ZFHX3: variants seen among roughly 807,000 people sequenced by gnomAD.
The protein encoded by ZFHX3 is zinc finger homeobox protein 3.
In ZFHX3, 42 loss-of-function variants were observed where a neutral mutation model predicts 279.1. The ratio of observed to expected loss-of-function variants is 0.15; its 90% CI spans 0.12 to 0.19. The LOEUF (loss-of-function observed/expected upper bound fraction) is 0.19. Ranked by LOEUF, ZFHX3 falls within the 10% of genes least tolerant of loss-of-function variation. The probability of loss-of-function intolerance (pLI) is 1.00; values close to 1 mark genes in which losing one functional copy is unlikely to be tolerated. For missense variants in ZFHX3, 4,981 were observed against 4,754.0 expected (o/e 1.05, Z -1.40); for synonymous variants, 2,293 against 1,957.8 (o/e 1.17, Z -4.52).
intron 1 of ZFHX3, among the ~76,000 whole-genome samples, chr16:73,011,142 G>A (rs372548070): frequency 7.9e-5 from 12 of 151,826 alleles, no homozygotes; most frequent in South Asian, 2.1e-4. Flanking sequence ...CCACCACACC[G>A]GGCTAATTTT....
At position 72,950,618 on chromosome 16, in the gene ZFHX3, T is replaced by C. The variant is rs1352034900; in HGVS notation, c.3067A>G (p.Lys1023Glu). 3 of 1,614,196 alleles carry C rather than the reference T, an allele frequency of 1.9e-6. No individual in the cohort carries two copies. The highest frequency in any genetic ancestry group is 2.5e-6 in the Non-Finnish European group (3 of 1,180,032). Reference sequence around the variant, plus strand: ...CACTTGAGCCTCCACTCGTTGGCCTTGCCGCCCTCCTTGATGTGGGCCACC... The same window carrying C: ...CACTTGAGCCTCCACTCGTTGGCCTCGCCGCCCTCCTTGATGTGGGCCACC... ...QLVAHIKEGG[K>E]ANEWRLKCVA... The change falls in exon 3 of 10, where the codon AAG becomes GAG. Residue 1023 changes from lysine (K) to glutamate (E), a missense_variant. By Grantham distance (56) the Lys-to-Glu change is moderately conservative. Transcript: ENST00000268489.
intron 4 of ZFHX3, among the ~76,000 whole-genome samples, chr16:72,840,790 A>G (rs891913918): frequency 2.0e-5 from 3 of 152,256 alleles, no homozygotes; most frequent in African/African-American, 4.8e-5. Context: ...CTGACTGTCA[A>G]TGAGCTTTGT....
intron 2 of ZFHX3, among the ~76,000 whole-genome samples, chr16:73,555,311 C>T (rs1260310032): frequency 2.0e-5 from 3 of 152,116 alleles, no homozygotes; most frequent in East Asian, 3.9e-4. Context: ...CCCGCCACCA[C>T]ACCCGGCTAA....
At position 72,795,125 on chromosome 16, in the gene ZFHX3, C is replaced by T; in HGVS notation, c.7557G>A (p.Gln2519=). ...TTAGCTGAGGAGGTAGGTTTGCGAG[C>T]TGTTGAGGAGTTGATGTGTGGAGGG... The part of the protein sequence containing the change: ...LKPLHTSTPQ[Q]LANLPPQLIP... The change falls in exon 9 of 10, where the codon CAG becomes CAA. Residue 2519 remains glutamine (Q), a synonymous_variant. Coordinates refer to ENST00000268489, the MANE Select transcript of ZFHX3 (RefSeq NM_006885.4). 2 of 1,613,326 alleles carry T rather than the reference C, an allele frequency of 1.2e-6. No homozygotes were observed. The highest frequency in any genetic ancestry group is 1.1e-5 in the South Asian group (1 of 90,998).
Position 73,546,717 on chromosome 16 carries a change from TGC to T in ZFHX3, c.-1546-90461_-1546-90460del, listed in dbSNP as rs1249890496. On this transcript the variant is annotated intron_variant, in intron 2 of 17. Transcript: ENST00000641206. ...CTGCTGCTGCTGCTGCTGCTGCTGC[TGC>T]TGCTGCTGCTGCTGCTGTTGCTTCT... is the stretch of plus-strand genomic sequence containing the variant. Among the ~76,000 whole-genome samples the T allele has an allele frequency of 9.3e-5, 12 of 128,390 alleles. 1 individual carries two copies. Among genetic ancestry groups the T allele is most frequent in the African/African-American group, 1.6e-4 (4 of 24,406 alleles). The allele number at this position is 128,390 out of a possible 152,430, so 84.2% of individuals were successfully genotyped here.
intron 2 of ZFHX3, among the ~76,000 whole-genome samples, chr16:73,556,533 G>C (rs1567517958): frequency 6.6e-6 from 1 of 152,154 alleles, no homozygotes; most frequent in Non-Finnish European, 1.5e-5. Context: ...TTCCCTCAGA[G>C]CTCTGGACGG....
chr16:73,373,144 G>C (rs1001574762), intron 3 of ZFHX3, among the ~76,000 whole-genome samples: 23 of 728 alleles, frequency 0.032, no homozygotes, highest in African/African-American at 0.11. Context: ...AGGAGGTTTG[G>C]GGGGGGGGTG....
chr16:73,105,488 A>C (rs1447497299), intron 7 of ZFHX3, among the ~76,000 whole-genome samples: 1 of 144,338 alleles, frequency 6.9e-6, no homozygotes, highest in Non-Finnish European at 1.5e-5. Context: ...GTGCTGGCTC[A>C]CACCTGTAAT....
chr16:72,893,379 C>G (rs2038818943), intron 3 of ZFHX3, among the ~76,000 whole-genome samples: 1 of 152,178 alleles, frequency 6.6e-6, no homozygotes. Flanking sequence ...GAGTTCTATT[C>G]CAAATGGCTG....
intron 7 of ZFHX3, among the ~76,000 whole-genome samples, chr16:73,130,700 C>T (rs1051520062): frequency 3.3e-5 from 5 of 152,186 alleles, no homozygotes; most frequent in African/African-American, 9.7e-5. Flanking sequence ...CTCCGCTGCC[C>T]GGGTTCAAGG....
chr16:73,427,438 C>T (rs569612308), intron 3 of ZFHX3, among the ~76,000 whole-genome samples: 4 of 152,292 alleles, frequency 2.6e-5, no homozygotes, highest in African/African-American at 7.2e-5. Context: ...CCACCCAGCT[C>T]GCTAACGGCA....
At chr16:73,140,858 A>T (rs766244137) in intron 6 of ZFHX3, among the ~76,000 whole-genome samples, 1 of 152,130 alleles carries the variant, frequency 6.6e-6, no homozygotes, top group East Asian at 1.9e-4. Context: ...TCCCAAAAAC[A>T]ACAAACAAAC....
Position 72,787,220 on chromosome 16 carries a change from T to TG in ZFHX3, c.11055dup (p.Ser3686GlnfsTer45). ...GTCAGACCACTGTCCTTGGGGCAGC[T>TG]GGGGTCTTTGGGACCCTCCACCGGG... is the stretch of plus-strand genomic sequence containing the variant. On this transcript the variant is annotated frameshift_variant, in exon 10 of 10. Coordinates refer to ENST00000268489, the MANE Select transcript of ZFHX3 (RefSeq NM_006885.4). LOFTEE classifies it high-confidence loss of function. The TG allele has an allele frequency of 6.2e-7, 1 of 1,614,034 alleles. No homozygotes were observed.
At chr16:73,695,773 C>T (rs189357472) in intron 1 of ZFHX3, among the ~76,000 whole-genome samples, 16 of 152,316 alleles carry the variant, frequency 1.1e-4, no homozygotes, top group African/African-American at 3.8e-4. Flanking sequence ...ACAGCAGGTG[C>T]TCAGGAAGTG....
At chr16:73,609,174 C>T (rs1171619662) in intron 2 of ZFHX3, 2 of 152,078 alleles carry the variant, frequency 1.3e-5, no homozygotes, top group South Asian at 2.1e-4. Flanking sequence ...CCTGACTTAA[C>T]GCCATTTCAG....
chr16:73,419,966 G>C (rs2017685096), intron 3 of ZFHX3: 1 of 152,036 alleles, frequency 6.6e-6, no homozygotes, highest in East Asian at 1.9e-4. Flanking sequence ...GAGTCCAGAG[G>C]CGTGATCACA....
chr16:73,202,244 G>GAACACCATT (rs1430700758), intron 5 of ZFHX3, among the ~76,000 whole-genome samples: 3 of 152,146 alleles, frequency 2.0e-5, no homozygotes, highest in Admixed American at 6.5e-5. Flanking sequence ...CTGAGCCCTT[G>GAACACCATT]AAACTCTCTA....
intron 3 of ZFHX3, among the ~76,000 whole-genome samples, chr16:73,334,812 T>C (rs1475750792): frequency 7.1e-5 from 8 of 112,206 alleles, no homozygotes; most frequent in African/African-American, 2.5e-4. Flanking sequence ...TTCTCATTCT[T>C]TTTTTTTTTT....
At chr16:73,834,482 C>A (rs1331535858) in intron 1 of ZFHX3, among the ~76,000 whole-genome samples, 2 of 152,192 alleles carry the variant, frequency 1.3e-5, no homozygotes, top group South Asian at 2.1e-4. Flanking sequence ...CAAGCCAAAA[C>A]CTTGGTTATT....
Sources: allele counts gnomAD v4.1 joint callset (sites outside exome capture counted in the v4.1 genomes callset), GRCh38; gene constraint gnomAD v4.1.1; transcripts MANE v1.5; gene names NCBI Gene and HGNC (gene_info 2026-07-23, HGNC 2026-07-21).